The following GRIK1 variants were observed in gnomAD, a reference collection of about 807,000 sequenced individuals.
The protein encoded by GRIK1 is glutamate ionotropic receptor kainate type subunit 1, also known as glutamate receptor ionotropic, kainate 1.
In GRIK1, 69 loss-of-function variants were observed where a neutral mutation model predicts 105.7. The ratio of observed to expected loss-of-function variants is 0.65; its 90% CI spans 0.54 to 0.80. The LOEUF (loss-of-function observed/expected upper bound fraction) is 0.80. Ranked by LOEUF, GRIK1 falls within the 30% of genes least tolerant of loss-of-function variation. The pLI is 0.00. For synonymous variants in GRIK1, 438 were observed against 431.3 expected (o/e 1.02, Z -0.19); for missense variants, 1,109 against 1,167.3 (o/e 0.95, Z 0.73).
chr21:29,783,249 T>C lies in GRIK1; in HGVS notation c.119-89186A>G, dbSNP rs138904882. 3.1e-4 allele frequency among the ~76,000 whole-genome samples: 47 copies of C among 152,254 alleles called. 1 individual carries two copies. In the East Asian group the frequency reaches 8.7e-3, roughly 28 times the overall value. On this transcript the variant is annotated intron_variant, in intron 1 of 17. Transcript: ENST00000327783. ...ATATTTTTCTATTACAATATTTGTA[T>C]TATTGTTATTTGTAAGACCTCCATC...
chr21:29,774,209 C>A (rs2065885180), intron 1 of GRIK1, among the ~76,000 whole-genome samples: 1 of 152,122 alleles, frequency 6.6e-6, no homozygotes, highest in South Asian at 2.1e-4. Flanking sequence ...ACAGAAAGCA[C>A]TTTTGTCCCC....
intron 1 of GRIK1, among the ~76,000 whole-genome samples, chr21:29,936,190 C>T (rs2071747904): frequency 6.6e-6 from 1 of 152,126 alleles, no homozygotes; most frequent in South Asian, 2.1e-4. Flanking sequence ...GCCTGGCTGC[C>T]CACTGCTCAA....
intron 1 of GRIK1, among the ~76,000 whole-genome samples, chr21:29,924,770 T>G (rs747167883): frequency 6.6e-6 from 1 of 152,184 alleles, no homozygotes; most frequent in South Asian, 2.1e-4. Flanking sequence ...CTCTTAGAGG[T>G]GAGGTGGTCT....
chr21:29,605,003 A>G (rs571650144), intron 7 of GRIK1, among the ~76,000 whole-genome samples: 1 of 152,302 alleles, frequency 6.6e-6, no homozygotes, highest in South Asian at 2.1e-4. Context: ...TCTTAATGTC[A>G]TTAGTTAAAA....
intron 1 of GRIK1, among the ~76,000 whole-genome samples, chr21:29,754,188 A>G (rs2065276926): frequency 6.6e-6 from 1 of 152,222 alleles, no homozygotes; most frequent in Admixed American, 6.5e-5. Context: ...CAGCTGGAAC[A>G]AATGCAGTTA....
intron 1 of GRIK1, among the ~76,000 whole-genome samples, chr21:29,808,173 G>T (rs966104301): frequency 2.6e-5 from 4 of 152,044 alleles, no homozygotes; most frequent in Admixed American, 6.6e-5. Context: ...TTTTCAAGTC[G>T]GGTCTGAAGT....
intron 1 of GRIK1, among the ~76,000 whole-genome samples, chr21:29,863,065 T>A (rs2068695533): frequency 6.6e-6 from 1 of 152,248 alleles, no homozygotes; most frequent in Non-Finnish European, 1.5e-5. Context: ...TGTGTATATG[T>A]GTCTGTGAAT....
chr21:29,874,449 C>T (rs544620092), intron 1 of GRIK1, among the ~76,000 whole-genome samples: 1 of 152,236 alleles, frequency 6.6e-6, no homozygotes, highest in East Asian at 1.9e-4. Context: ...TTGTCTCATA[C>T]GTGATTAGCT....
At chr21:29,562,863 T>A (rs2146182210) in intron 14 of GRIK1, among the ~76,000 whole-genome samples, 1 of 113,340 alleles carries the variant, frequency 8.8e-6, no homozygotes, top group South Asian at 3.4e-4. Flanking sequence ...CACATATACA[T>A]ATGTACCACT....
chr21:29,852,373 A>G lies in GRIK1; in HGVS notation c.118+87010T>C, dbSNP rs145532098. 2.1e-3 allele frequency among the ~76,000 whole-genome samples: 323 copies of G among 152,282 alleles called. 1 individual carries two copies. Among genetic ancestry groups the G allele is most frequent in the African/African-American group, 7.6e-3 (314 of 41,558 alleles). On this transcript the variant is annotated intron_variant, in intron 1 of 17. Transcript: ENST00000327783. ...GTTCCTCCTACCAAGAAGGCCCCCTACCTGTAGAAATTCTATACATTTCCC... is the reference window on the plus strand; with the variant it reads ...GTTCCTCCTACCAAGAAGGCCCCCTGCCTGTAGAAATTCTATACATTTCCC...
intron 1 of GRIK1, among the ~76,000 whole-genome samples, chr21:29,923,357 AAAC>A (rs1234366887): frequency 4.6e-5 from 7 of 152,218 alleles, no homozygotes; most frequent in African/African-American, 1.4e-4. Context: ...GAAAGAGAGA[AAAC>A]TAGAGAAACC....
chr21:29,576,621 AT>A (rs1439114764), intron 14 of GRIK1, among the ~76,000 whole-genome samples: 1 of 152,210 alleles, frequency 6.6e-6, no homozygotes, highest in Non-Finnish European at 1.5e-5. Context: ...TATGGGTTCT[AT>A]AAATGAGTGA....
chr21:29,767,954 A>G (rs1293097331), intron 1 of GRIK1, among the ~76,000 whole-genome samples: 3 of 151,528 alleles, frequency 2.0e-5, no homozygotes, highest in Non-Finnish European at 2.9e-5. Context: ...TTTGTATTTT[A>G]CTTCCATGAC....
intron 13 of GRIK1, among the ~76,000 whole-genome samples, chr21:29,578,455 C>T (rs570029250): frequency 6.1e-4 from 93 of 152,246 alleles, no homozygotes; most frequent in African/African-American, 2.2e-3. Flanking sequence ...GATGCAAATA[C>T]GGCTCAGGAA....
chr21:29,911,929 TTTATATCA>T (rs2070831909), intron 1 of GRIK1, among the ~76,000 whole-genome samples: 1 of 152,102 alleles, frequency 6.6e-6, no homozygotes. Flanking sequence ...ACACACTGAT[TTTATATCA>T]TTATATTGTG....
intron 1 of GRIK1, among the ~76,000 whole-genome samples, chr21:29,873,595 C>A (rs2069093595): frequency 6.6e-6 from 1 of 152,138 alleles, no homozygotes; most frequent in Admixed American, 6.5e-5. Context: ...TTATATTGTT[C>A]TTCATTTCTA....
intron 1 of GRIK1, among the ~76,000 whole-genome samples, chr21:29,854,937 C>T (rs1233675515): frequency 6.6e-6 from 1 of 152,136 alleles, no homozygotes; most frequent in African/African-American, 2.4e-5. Flanking sequence ...GGGATATTTG[C>T]ATCATAGAAA....
intron 15 of GRIK1, among the ~76,000 whole-genome samples, chr21:29,560,312 TTTC>T (rs2090370161): frequency 8.5e-6 from 1 of 118,192 alleles, no homozygotes; most frequent in African/African-American, 3.7e-5. Context: ...TCTTTCTTTC[TTTC>T]TTTCTTTCTT....
At chr21:29,762,722 G>A (rs1324040520) in intron 1 of GRIK1, among the ~76,000 whole-genome samples, 1 of 150,646 alleles carries the variant, frequency 6.6e-6, no homozygotes, top group East Asian at 1.9e-4. Context: ...TATTCAAATT[G>A]GGAGCCTCTA....
Sources: gnomAD v4.1 joint callset for allele counts (sites outside exome capture counted in the v4.1 genomes callset) on GRCh38, gnomAD v4.1.1 for gene constraint, MANE v1.5 for transcripts, NCBI Gene and HGNC (gene_info 2026-07-23, HGNC 2026-07-21) for gene names.